Variants in ERCC6 observed in about 807,000 individuals in gnomAD.
ERCC6 encodes the protein ERCC excision repair 6, chromatin remodeling factor, also known as DNA excision repair protein ERCC-6.
In ERCC6, 116 loss-of-function variants were observed where a neutral mutation model predicts 158.7. The ratio of observed to expected loss-of-function variants is 0.73; its 90% CI spans 0.63 to 0.85. The LOEUF (loss-of-function observed/expected upper bound fraction) is 0.85, where lower values mean the gene tolerates loss of function less well. Among genes scored for constraint, ERCC6 ranks in the 40% least tolerant of loss-of-function variants. The pLI is 0.00. For missense variants in ERCC6, 1,698 were observed against 1,799.4 expected (o/e 0.94, Z 1.02); for synonymous variants, 678 against 659.3 (o/e 1.03, Z -0.43).
downstream of ERCC6, among the ~76,000 whole-genome samples, chr10:49,451,395 A>C (rs1298148847): frequency 6.6e-6 from 1 of 152,184 alleles, no homozygotes; most frequent in East Asian, 1.9e-4. Context: ...TTCACCATTA[A>C]GTATAAAGAA....
chr10:49,537,404 A>G (rs1041488120), intron 1 of ERCC6, among the ~76,000 whole-genome samples: 1 of 151,842 alleles, frequency 6.6e-6, no homozygotes, highest in Non-Finnish European at 1.5e-5. Flanking sequence ...CTGAGAGTTA[A>G]TTACACCAGG....
At chr10:49,491,340 A>T (rs1446541908) in intron 8 of ERCC6, among the ~76,000 whole-genome samples, 1 of 152,228 alleles carries the variant, frequency 6.6e-6, no homozygotes, top group African/African-American at 2.4e-5. Flanking sequence ...TTTATAATGG[A>T]AAAGGAACAG....
chr10:49,495,176 T>C (rs1205592689), intron 7 of ERCC6, among the ~76,000 whole-genome samples: 1 of 152,158 alleles, frequency 6.6e-6, no homozygotes, highest in African/African-American at 2.4e-5. Context: ...TAACCTTCAG[T>C]CTTGCTGGGA....
intron 7 of ERCC6, among the ~76,000 whole-genome samples, chr10:49,494,025 A>T (rs1266695220): frequency 6.6e-6 from 1 of 152,178 alleles, no homozygotes; most frequent in Non-Finnish European, 1.5e-5. Flanking sequence ...ACATTTACAC[A>T]CTGGGATACA....
At chr10:49,487,333 C>G (rs962957461) in intron 8 of ERCC6, among the ~76,000 whole-genome samples, 2 of 152,166 alleles carry the variant, frequency 1.3e-5, no homozygotes, top group East Asian at 3.8e-4. Flanking sequence ...TATGACTACT[C>G]ATCTTCCATC....
chr10:49,500,800 T>C (rs1326011604), intron 6 of ERCC6, 104 bp from the exon 7 acceptor site: 2 of 1,218,990 alleles, frequency 1.6e-6, no homozygotes, highest in Admixed American at 3.6e-5. Flanking sequence ...TAGGTTCTAG[T>C]ACCAGTCAGA....
At position 49,483,343 on chromosome 10, in the gene ERCC6, T is replaced by C. The variant is rs994372113; in HGVS notation, c.1992+3A>G. 6.2e-7 allele frequency: 1 copy of C among 1,613,970 alleles called. No individual in the cohort carries two copies. Among genetic ancestry groups the C allele is most frequent in the Non-Finnish European group, 8.5e-7 (1 of 1,179,932 alleles). On this transcript the variant is annotated splice_donor_region_variant and intron_variant, in intron 9 of 20. Transcript: ENST00000355832. The stretch of plus-strand genomic sequence containing the variant: ...AAATCTCCCTTGTTAAAAGAGGTCA[T>C]ACCTGTTTGCAAGCAAGGGTGACAG...
chr10:49,520,625 T>C (rs753353280), intron 5 of ERCC6, among the ~76,000 whole-genome samples: 6 of 152,132 alleles, frequency 3.9e-5, no homozygotes, highest in Non-Finnish European at 7.4e-5. Context: ...CTAGCATGAA[T>C]GTTGCTAGTT....
At chr10:49,515,820 C>A (rs368563985) in intron 5 of ERCC6, 2 of 1,614,050 alleles carry the variant, frequency 1.2e-6, no homozygotes, top group African/African-American at 2.7e-5. Flanking sequence ...ACTGACAAGA[C>A]ACAGGGGATG....
chr10:49,479,122 C>T (rs773809609), intron 10 of ERCC6, among the ~76,000 whole-genome samples: 9 of 150,260 alleles, frequency 6.0e-5, no homozygotes, highest in Middle Eastern at 3.5e-3. Context: ...AAAAAAAAAG[C>T]CCCACAGCCC....
intron 16 of ERCC6, among the ~76,000 whole-genome samples, chr10:49,471,462 C>A (rs1179279839): frequency 6.6e-6 from 1 of 152,140 alleles, no homozygotes; most frequent in Non-Finnish European, 1.5e-5. Flanking sequence ...ACCAAGGGTC[C>A]TGCCCTGCCT....
At chr10:49,467,826 C>G (rs1850704660) in intron 18 of ERCC6, among the ~76,000 whole-genome samples, 1 of 152,120 alleles carries the variant, frequency 6.6e-6, no homozygotes, top group African/African-American at 2.4e-5. Flanking sequence ...ACCTCAGCCT[C>G]TCAAAGCACT....
intron 6 of ERCC6, 36 bp from the exon 7 acceptor site, chr10:49,500,732 GGC>G (rs752581351): frequency 2.5e-6 from 4 of 1,607,872 alleles, no homozygotes; most frequent in Non-Finnish European, 3.4e-6. Flanking sequence ...AAGAGAAAAT[GGC>G]AAATGGTGGA....
intron 5 of ERCC6, chr10:49,516,459 C>T (rs1040625833): frequency 1.2e-6 from 2 of 1,614,180 alleles, no homozygotes; most frequent in South Asian, 1.1e-5. Context: ...AAACCGGTCA[C>T]GTCTCATGGC....
chr10:49,464,809 G>A (rs1850645509), intron 18 of ERCC6, among the ~76,000 whole-genome samples: 1 of 152,248 alleles, frequency 6.6e-6, no homozygotes, highest in Non-Finnish European at 1.5e-5. Flanking sequence ...GTCAATAACT[G>A]AGGTTTGGGA....
chr10:49,438,151 G>A, the ERCC6 span, among the ~76,000 whole-genome samples: 1 of 152,178 alleles, frequency 6.6e-6, no homozygotes, highest in African/African-American at 2.4e-5. Context: ...CAGGGACAGC[G>A]ATGGCCAGGA....
intron 5 of ERCC6, among the ~76,000 whole-genome samples, chr10:49,508,732 A>C (rs1046582025): frequency 9.2e-5 from 14 of 152,152 alleles, no homozygotes; most frequent in African/African-American, 3.4e-4. Flanking sequence ...ATACTTCCTC[A>C]TGTGACTTGT....
rs909469951 is a variant in ERCC6, at chr10:49,523,929, G to A, written c.1397+104C>T. Reference sequence around the variant, plus strand: ...AAATCCAACCTCTGTATAATCGGGGGGGTCTAATATATTAAGCTGGATCTA... The same window carrying A: ...AAATCCAACCTCTGTATAATCGGGGAGGTCTAATATATTAAGCTGGATCTA... On this transcript the variant is annotated intron_variant, in intron 5 of 20. Coordinates refer to ENST00000355832, the MANE Select transcript of ERCC6 (RefSeq NM_000124.4). 8 of 1,515,858 alleles carry A rather than the reference G, an allele frequency of 5.3e-6. No individual in the cohort carries two copies. In the African/African-American group the frequency reaches 1.1e-4, roughly 21 times the overall value. 93.9% of individuals were successfully genotyped at this position (1,515,858 alleles called of 1,614,324 possible).
intron 2 of ERCC6, among the ~76,000 whole-genome samples, 153 bp from the exon 3 acceptor site, chr10:49,530,993 A>G (rs1459610041): frequency 6.6e-6 from 1 of 152,234 alleles, no homozygotes; most frequent in Non-Finnish European, 1.5e-5. Flanking sequence ...ATTGGCCACA[A>G]ATAAAACTTG....
Sources: allele counts gnomAD v4.1 joint callset (sites outside exome capture counted in the v4.1 genomes callset), GRCh38; gene constraint gnomAD v4.1.1; transcripts MANE v1.5; gene names NCBI Gene and HGNC (gene_info 2026-07-23, HGNC 2026-07-21).